PRR23C: variants seen among roughly 807,000 people sequenced by gnomAD.
The protein encoded by PRR23C is proline rich 23C, also known as proline-rich protein 23C.
PRR23C carries 1 observed loss-of-function variant against 0.1 expected under a neutral mutation model. The ratio of observed to expected loss-of-function variants is 6.80; its 90% CI spans 2.41 to 32.24. PRR23C has a LOEUF of 32.24. Ranked by LOEUF, PRR23C falls within the 30% of genes most tolerant of loss-of-function variation. The pLI is 0.11. For missense variants in PRR23C, 361 were observed against 370.4 expected, an observed-to-expected ratio of 0.97 and a Z score of 0.21; for synonymous variants, 172 against 168.1, an observed-to-expected ratio of 1.02 and a Z score of -0.18.
At position 139,043,700 on chromosome 3, in the gene PRR23C, C is replaced by G. The variant is rs962237552; in HGVS notation, c.*132G>C. On this transcript the variant is annotated 3_prime_UTR_variant, in exon 1 of 1. Coordinates refer to ENST00000413199, the MANE Select transcript of PRR23C (RefSeq NM_001134657.1). ...ACTGATCCAGAATTCTGCAACGCAG[C>G]CTGTATCAAAAAAGCATCTATCCGT... is the stretch of plus-strand genomic sequence containing the variant. 1.2e-6 allele frequency: 1 copy of G among 817,244 alleles called. No individual in the cohort carries two copies. Among genetic ancestry groups the G allele is most frequent in the Non-Finnish European group, 1.8e-6 (1 of 543,782 alleles). 50.6% of individuals were successfully genotyped at this position (817,244 alleles called of 1,614,324 possible).
In PRR23C at chr3:139,043,989, G is replaced by A. The variant is rs1484518207; in HGVS notation, c.632C>T (p.Pro211Leu). Residue 211 changes from proline to leucine, a missense_variant, in exon 1 of 1, where the codon CCA becomes CTA. Coordinates refer to ENST00000413199, the MANE Select transcript of PRR23C (RefSeq NM_001134657.1). ...APNPSSERRS[P>L]RPIFDLEFHL... ...GAATTCCAGGTCGAAGATGGGGCGTGGAGAGCGTCTCTCTGAACTGGGGTT... is the reference window on the plus strand; with the variant it reads ...GAATTCCAGGTCGAAGATGGGGCGTAGAGAGCGTCTCTCTGAACTGGGGTT... 6.2e-7 allele frequency: 1 copy of A among 1,612,058 alleles called. No homozygotes were observed. The highest frequency in any genetic ancestry group is 8.5e-7 in the Non-Finnish European group (1 of 1,179,066).
chr3:139,042,200 C>T lies in PRR23C; in HGVS notation c.*1632G>A, dbSNP rs1937149409. On this transcript the variant is annotated 3_prime_UTR_variant, in exon 1 of 1. Transcript: ENST00000413199. ...TCCTTCCACTTGTGTCTTCTCAAGT[C>T]CTCATAAAGCATCCAATTGTTTTAA... The T allele has an allele frequency of 6.6e-6, 1 of 152,154 alleles. No homozygotes were observed. Among genetic ancestry groups the T allele is most frequent in the Non-Finnish European group, 1.5e-5 (1 of 68,038 alleles). 9.4% of individuals were successfully genotyped at this position (152,154 alleles called of 1,614,324 possible).
In PRR23C at chr3:139,044,654, C is replaced by T. The variant is rs1398848993; in HGVS notation, c.-34G>A. 1.2e-5 allele frequency: 18 copies of T among 1,461,056 alleles called. No homozygotes were observed. The highest frequency in any genetic ancestry group is 1.5e-5 in the Non-Finnish European group (17 of 1,116,418). 90.5% of individuals were successfully genotyped at this position (1,461,056 alleles called of 1,614,324 possible). On this transcript the variant is annotated 5_prime_UTR_variant, in exon 1 of 1. Coordinates refer to ENST00000413199, the MANE Select transcript of PRR23C (RefSeq NM_001134657.1). This position sits in a 1 kb window ranked among gnomAD's most constrained non-coding sequence, Gnocchi z 7.5. ...CGGCGCTGCGGACGGCGCTCCTGGG[C>T]CTGGCAGGGGACGTGGGTGCGGGGG...
rs772333121 is a variant in PRR23C, at chr3:139,043,849, G to A, written c.772C>T (p.Arg258Cys). The A allele has an allele frequency of 5.2e-6, 8 of 1,546,774 alleles. No homozygotes were observed. The East Asian group carries it at 7.3e-5, about 14-fold the overall frequency. ...GAGGCAACTCATTCCTGGAACAGGC[G>A]TCTTCGGACCTTGCACGGAGGGCGC... ...PERPPCKVRR[R>C]LFQE The change falls in exon 1 of 1, where the codon CGC becomes TGC. Residue 258 changes from arginine (R) to cysteine (C), a missense_variant. Coordinates refer to ENST00000413199, the MANE Select transcript of PRR23C (RefSeq NM_001134657.1).
chr3:139,044,663 G>A lies in PRR23C; in HGVS notation c.-43C>T. ...GGACGGCGCTCCTGGGCCTGGCAGG[G>A]GACGTGGGTGCGGGGGGCTCGGGGC... is the stretch of plus-strand genomic sequence containing the variant. On this transcript the variant is annotated 5_prime_UTR_variant, in exon 1 of 1. Transcript: ENST00000413199. This position sits in a 1 kb window ranked among gnomAD's most constrained non-coding sequence, Gnocchi z 7.5. 1 of 1,449,912 alleles carries A rather than the reference G, an allele frequency of 6.9e-7. No homozygotes were observed. Among genetic ancestry groups the A allele is most frequent in the Non-Finnish European group, 9.0e-7 (1 of 1,110,896 alleles). The allele number at this position is 1,449,912 out of a possible 1,614,324, so 89.8% of individuals were successfully genotyped here.
chr3:139,044,567 C>CT, the PRR23C span: 1 of 1,540,314 alleles, frequency 6.5e-7, no homozygotes, highest in African/African-American at 1.4e-5. The surrounding 1 kb of genome is among the most constrained non-coding windows in gnomAD (Gnocchi z 7.5). Flanking sequence ...CTCCTGGCTG[C>CT]TGTCCCCACC....
chr3:139,044,645 G>A lies in PRR23C; in HGVS notation c.-25C>T, dbSNP rs1201892898. ...TCACCTCGACGGCGCTGCGGACGGC[G>A]CTCCTGGGCCTGGCAGGGGACGTGG... On this transcript the variant is annotated 5_prime_UTR_variant, in exon 1 of 1. Coordinates refer to ENST00000413199, the MANE Select transcript of PRR23C (RefSeq NM_001134657.1). This position sits in a 1 kb window ranked among gnomAD's most constrained non-coding sequence, Gnocchi z 7.5. 6.8e-7 allele frequency: 1 copy of A among 1,466,974 alleles called. No individual in the cohort carries two copies. The highest frequency in any genetic ancestry group is 8.9e-7 in the Non-Finnish European group (1 of 1,119,438). 90.9% of individuals were successfully genotyped at this position (1,466,974 alleles called of 1,614,324 possible). A position where few individuals can be genotyped will look rare whatever the true frequency, so the allele number is the denominator to read the frequency against.
Position 139,044,725 on chromosome 3 carries a change from A to T in PRR23C, c.-105T>A. The T allele has an allele frequency of 7.8e-7, 1 of 1,290,150 alleles. No homozygotes were observed. Among genetic ancestry groups the T allele is most frequent in the South Asian group, 1.7e-5 (1 of 59,312 alleles). 79.9% of individuals were successfully genotyped at this position (1,290,150 alleles called of 1,614,324 possible). A position where few individuals can be genotyped will look rare whatever the true frequency, so the allele number is the denominator to read the frequency against. On this transcript the variant is annotated 5_prime_UTR_variant, in exon 1 of 1. Transcript: ENST00000413199. The surrounding 1 kb of genome is among the most constrained non-coding windows in gnomAD (Gnocchi z 7.5). Reference sequence around the variant, plus strand: ...CTTTGAGGTAACAGGTGTCGGCAGGACCGCGCGACGCGGGGCGAGTCCTCG... The same window carrying T: ...CTTTGAGGTAACAGGTGTCGGCAGGTCCGCGCGACGCGGGGCGAGTCCTCG...
At position 139,044,610 on chromosome 3, in the gene PRR23C, C is replaced by G; in HGVS notation, c.11G>C (p.Arg4Pro). 1 of 1,518,172 alleles carries G rather than the reference C, an allele frequency of 6.6e-7. No individual in the cohort carries two copies. The highest frequency in any genetic ancestry group is 8.8e-7 in the Non-Finnish European group (1 of 1,139,316). 94.0% of individuals were successfully genotyped at this position (1,518,172 alleles called of 1,614,324 possible). MGS[R>P]PCSPSACLAP... is the part of the protein sequence containing the mutation. ...AAGGCAGGCGCTGGGGCTGCAGGGC[C>G]GGCTGCCCATCACCTCGACGGCGCT... The change falls in exon 1 of 1, where the codon CGG becomes CCG. Residue 4 changes from arginine (R) to proline (P), a missense_variant. Transcript: ENST00000413199. The surrounding 1 kb of genome is among the most constrained non-coding windows in gnomAD (Gnocchi z 7.5).
rs1409353389 is a variant in PRR23C at position 139,043,948 on chromosome 3, C to G, written c.673G>C (p.Val225Leu). The change falls in exon 1 of 1, where the codon GTC (valine) becomes CTC (leucine). Residue 225 changes from valine (V) to leucine (L), a missense_variant. Physicochemically the swap from Val to Leu is conservative, Grantham distance 32 (BLOSUM62 1). Transcript: ENST00000413199. ...AGAGGTTGGAGAGGTGAGCTGGGGA[C>G]AGGCTCCAGAAGATGGAATTCCAGG... ...FDLEFHLLEP[V>L]PSSPLQPLPP... The G allele has an allele frequency of 1.2e-6, 2 of 1,606,900 alleles. No individual in the cohort carries two copies. The highest frequency in any genetic ancestry group is 3.4e-5 in the Admixed American group (2 of 58,992).
chr3:139,044,387 C>T lies in PRR23C; in HGVS notation c.234G>A (p.Leu78=), dbSNP rs1475959737. 6.3e-7 allele frequency: 1 copy of T among 1,581,140 alleles called. No homozygotes were observed. The highest frequency in any genetic ancestry group is 8.6e-7 in the Non-Finnish European group (1 of 1,164,308). The stretch of plus-strand genomic sequence containing the variant: ...CCGACATTGGCGCGAGCTCCAGCAC[C>T]AGGTCGACGTCCTCCAGGGGCACAC... The part of the protein sequence containing the change: ...ALRVPLEDVD[L]VLELAPMSVL... Residue 78 remains leucine (L), a synonymous_variant, in exon 1 of 1, where the codon CTG becomes CTA. Transcript: ENST00000413199. This position sits in a 1 kb window ranked among gnomAD's most constrained non-coding sequence, Gnocchi z 7.5.
In PRR23C at chr3:139,044,315, C is replaced by G. The variant is rs767371950; in HGVS notation, c.306G>C (p.Glu102Asp). The G allele has an allele frequency of 1.9e-6, 3 of 1,610,440 alleles. No individual in the cohort carries two copies. The highest frequency in any genetic ancestry group is 2.5e-6 in the Non-Finnish European group (3 of 1,178,470). The change falls in exon 1 of 1, where the codon GAG (glutamate) becomes GAC (aspartate). Residue 102 changes from glutamate to aspartate, a missense_variant. Transcript: ENST00000413199. The surrounding 1 kb of genome is among the most constrained non-coding windows in gnomAD (Gnocchi z 7.5). The stretch of plus-strand genomic sequence containing the variant: ...ATTCGTCGACGGAGCTCAGGAGGAC[C>G]TCGGGGATCACGATGAGGGTGTGTC... ...LGGHTLIVIPEVLLSSVDECS... is the reference protein window; with the variant it reads ...LGGHTLIVIPDVLLSSVDECS...
chr3:139,043,816 G>C lies in PRR23C; in HGVS notation c.*16C>G, dbSNP rs1414639516. ...CCTGGAGCCCAGCAGGGTGGCAAGGGATTGTGGGAGGCAACTCATTCCTGG... is the reference window on the plus strand; with the variant it reads ...CCTGGAGCCCAGCAGGGTGGCAAGGCATTGTGGGAGGCAACTCATTCCTGG... On this transcript the variant is annotated 3_prime_UTR_variant, in exon 1 of 1. Coordinates refer to ENST00000413199, the MANE Select transcript of PRR23C (RefSeq NM_001134657.1). 18 of 1,514,550 alleles carry C rather than the reference G, an allele frequency of 1.2e-5. No homozygotes were observed. Among genetic ancestry groups the C allele is most frequent in the Non-Finnish European group, 1.6e-5 (18 of 1,131,436 alleles). The allele number at this position is 1,514,550 out of a possible 1,614,324, so 93.8% of individuals were successfully genotyped here. A position where few individuals can be genotyped will look rare whatever the true frequency, so the allele number is the denominator to read the frequency against.
At position 139,043,920 on chromosome 3, in the gene PRR23C, G is replaced by C. The variant is rs745892779; in HGVS notation, c.701C>G (p.Pro234Arg). 6.2e-7 allele frequency: 1 copy of C among 1,600,028 alleles called. No homozygotes were observed. Among genetic ancestry groups the C allele is most frequent in the South Asian group, 1.1e-5 (1 of 88,874 alleles). Reference sequence around the variant, plus strand: ...GTGGGGACCTGGACTCGGAGAGGGAGGTAGAGGTTGGAGAGGTGAGCTGGG... The same window carrying C: ...GTGGGGACCTGGACTCGGAGAGGGACGTAGAGGTTGGAGAGGTGAGCTGGG... The part of the protein sequence containing the change: ...PVPSSPLQPL[P>R]PSPSPGPHAR... Residue 234 changes from proline (P) to arginine (R), a missense_variant, in exon 1 of 1, where the codon CCT becomes CGT. Transcript: ENST00000413199.
Position 139,044,176 on chromosome 3 carries a change from C to G in PRR23C, c.445G>C (p.Ala149Pro), listed in dbSNP as rs755004971. The change falls in exon 1 of 1, where the codon GCT (alanine) becomes CCT (proline). Residue 149 changes from alanine to proline, a missense_variant. Physicochemically the swap from Ala to Pro is conservative, Grantham distance 27 (BLOSUM62 -1). Coordinates refer to ENST00000413199, the MANE Select transcript of PRR23C (RefSeq NM_001134657.1). This position sits in a 1 kb window ranked among gnomAD's most constrained non-coding sequence, Gnocchi z 7.5. ...QEVCASVPEI[A>P]AEEEAYEEDA... ...TCCTCGTAGGCCTCTTCCTCGGCAG[C>G]GATCTCTGGGACAGATGCGCAGACT... The G allele has an allele frequency of 1.9e-6, 3 of 1,613,112 alleles. No individual in the cohort carries two copies. The highest frequency in any genetic ancestry group is 2.7e-5 in the African/African-American group (2 of 74,918).
In PRR23C at chr3:139,044,790, GC is replaced by G; in HGVS notation, c.-171del. The G allele has an allele frequency of 1.4e-6, 1 of 701,848 alleles. No individual in the cohort carries two copies. 43.5% of individuals were successfully genotyped at this position (701,848 alleles called of 1,614,324 possible). On this transcript the variant is annotated 5_prime_UTR_variant, in exon 1 of 1. Transcript: ENST00000413199. This position sits in a 1 kb window ranked among gnomAD's most constrained non-coding sequence, Gnocchi z 7.5. ...CCTCCCGGAGATCGGAGTCGGTGCT[GC>G]TGCTGGGGGAACCTCGCACGCTGTG... is the stretch of plus-strand genomic sequence containing the variant.
In PRR23C at chr3:139,044,489, G is replaced by T; in HGVS notation, c.132C>A (p.Ser44Arg). 1 of 1,541,900 alleles carries T rather than the reference G, an allele frequency of 6.5e-7. No homozygotes were observed. Among genetic ancestry groups the T allele is most frequent in the African/African-American group, 1.4e-5 (1 of 72,866 alleles). ...CCGGGGTCCCCGCCGGGTCTTCCGG[G>T]CTGGGCGCCGCTCGGGATTCGGGGC... is the stretch of plus-strand genomic sequence containing the variant. ...PAGPESRAAP[S>R]PEDPAGTPAV... The change falls in exon 1 of 1, where the codon AGC (serine) becomes AGA (arginine). Residue 44 changes from serine to arginine, a missense_variant. By Grantham distance (110) the Ser-to-Arg change is moderately radical. Transcript: ENST00000413199. The surrounding 1 kb of genome is among the most constrained non-coding windows in gnomAD (Gnocchi z 7.5).
In PRR23C at chr3:139,043,666, A is replaced by G; in HGVS notation, c.*166T>C. 1 of 598,822 alleles carries G rather than the reference A, an allele frequency of 1.7e-6. No individual in the cohort carries two copies. Among genetic ancestry groups the G allele is most frequent in the Non-Finnish European group, 2.8e-6 (1 of 361,814 alleles). 37.1% of individuals were successfully genotyped at this position (598,822 alleles called of 1,614,324 possible). A position where few individuals can be genotyped will look rare whatever the true frequency, so the allele number is the denominator to read the frequency against. ...AGGATCTTTTTTTTCCAGACTTTCT[A>G]AGTCAGCCACTGATCCAGAATTCTG... On this transcript the variant is annotated 3_prime_UTR_variant, in exon 1 of 1. Coordinates refer to ENST00000413199, the MANE Select transcript of PRR23C (RefSeq NM_001134657.1).
Position 139,044,367 on chromosome 3 carries a change from A to G in PRR23C, c.254T>C (p.Met85Thr), listed in dbSNP as rs1224384401. The stretch of plus-strand genomic sequence containing the variant: ...ACCAAGAGACACTCGCAGGACCGAC[A>G]TTGGCGCGAGCTCCAGCACCAGGTC... ...DVDLVLELAP[M>T]SVLRVSLGGH... Residue 85 changes from methionine (M) to threonine (T), a missense_variant, in exon 1 of 1, where the codon ATG (methionine) becomes ACG (threonine). Coordinates refer to ENST00000413199, the MANE Select transcript of PRR23C (RefSeq NM_001134657.1). The surrounding 1 kb of genome is among the most constrained non-coding windows in gnomAD (Gnocchi z 7.5). 2 of 1,595,146 alleles carry G rather than the reference A, an allele frequency of 1.3e-6. No homozygotes were observed. Among genetic ancestry groups the G allele is most frequent in the East Asian group, 2.3e-5 (1 of 43,738 alleles).
Sources: allele counts gnomAD v4.1 joint callset, GRCh38; gene constraint gnomAD v4.1.1; non-coding constraint Gnocchi (gnomAD v3.1); transcripts MANE v1.5; gene names NCBI Gene and HGNC (gene_info 2026-07-23, HGNC 2026-07-21).